The following CARMIL3 variants were observed in gnomAD, a reference collection of about 807,000 sequenced individuals.
The protein encoded by CARMIL3 is capping protein, Arp2/3 and myosin-I linker protein 3.
In CARMIL3, 88 loss-of-function variants were observed where a neutral mutation model predicts 180.8. That is an observed-to-expected ratio of 0.49 (90% confidence interval 0.41 to 0.58). CARMIL3 has a LOEUF of 0.58. CARMIL3 is among the 20% of genes least tolerant of loss of function. The pLI is 0.00. For synonymous variants in CARMIL3, 696 were observed against 714.5 expected (o/e 0.97, Z 0.41); for missense variants, 1,548 against 1,787.0 (o/e 0.87, Z 2.41).
Position 24,054,230 on chromosome 14 carries a change from C to CA in CARMIL3, c.187-11dup. On this transcript the variant is annotated splice_polypyrimidine_tract_variant and intron_variant, in intron 3 of 39. Transcript: ENST00000342740. This position sits in a 1 kb window ranked among gnomAD's most constrained non-coding sequence, Gnocchi z 5.1. ...GTCCTTACCAGGAGCTGAGCATCTCCATCCCTCCTAGGTGGAGAGCTCCTT... is the reference window on the plus strand; with the variant it reads ...GTCCTTACCAGGAGCTGAGCATCTCCAATCCCTCCTAGGTGGAGAGCTCCTT... 1 of 1,614,198 alleles carries CA rather than the reference C, an allele frequency of 6.2e-7. No homozygotes were observed. The highest frequency in any genetic ancestry group is 1.1e-5 in the South Asian group (1 of 91,090).
chr14:24,060,402 C>A, intron 24 of CARMIL3, 147 bp downstream of exon 24: 1 of 1,108,122 alleles, frequency 9.0e-7, no homozygotes, highest in Non-Finnish European at 1.3e-6. Flanking sequence ...AAAGAGAGGA[C>A]ATGCAGGATA....
rs1594551828 is a variant in CARMIL3, at chr14:24,061,776, C to A, written c.2480+104C>A. 2 of 1,236,834 alleles carry A rather than the reference C, an allele frequency of 1.6e-6. No individual in the cohort carries two copies. Among genetic ancestry groups the A allele is most frequent in the Non-Finnish European group, 2.3e-6 (2 of 888,858 alleles). The allele number at this position is 1,236,834 out of a possible 1,614,324, so 76.6% of individuals were successfully genotyped here. Reference sequence around the variant, plus strand: ...AGCAATGAATAATGAATGGCACAATCTCCATTACAAGGATCAATCTTTAAC... The same window carrying A: ...AGCAATGAATAATGAATGGCACAATATCCATTACAAGGATCAATCTTTAAC... On this transcript the variant is annotated intron_variant, in intron 27 of 39. Transcript: ENST00000342740. The surrounding 1 kb of genome is among the most constrained non-coding windows in gnomAD (Gnocchi z 4.1).
chr14:24,056,591 C>T (rs1220698205), intron 11 of CARMIL3, 31 bp from the exon 12 acceptor site: 1 of 1,609,592 alleles, frequency 6.2e-7, no homozygotes, highest in Non-Finnish European at 8.5e-7. Context: ...CCCTGCCCCT[C>T]ACTGGGCCCG....
rs745888151 is a variant in CARMIL3 at position 24,054,212 on chromosome 14, C to T, written c.187-30C>T. 30 of 1,614,076 alleles carry T rather than the reference C, an allele frequency of 1.9e-5. No individual in the cohort carries two copies. Among genetic ancestry groups the T allele is most frequent in the Non-Finnish European group, 2.5e-5 (29 of 1,179,924 alleles). ...CCAAGCCTGGCAACCCAGGTCCTTACCAGGAGCTGAGCATCTCCATCCCTC... is the reference window on the plus strand; with the variant it reads ...CCAAGCCTGGCAACCCAGGTCCTTATCAGGAGCTGAGCATCTCCATCCCTC... On this transcript the variant is annotated intron_variant, in intron 3 of 39. Coordinates refer to ENST00000342740, the MANE Select transcript of CARMIL3 (RefSeq NM_138360.4). The surrounding 1 kb of genome is among the most constrained non-coding windows in gnomAD (Gnocchi z 5.1).
chr14:24,066,728 C>A (rs2035790883), intron 36 of CARMIL3, 72 bp downstream of exon 36: 1 of 1,506,976 alleles, frequency 6.6e-7, no homozygotes, highest in South Asian at 1.2e-5. Context: ...AAGCCCATGG[C>A]CCCTGTGCTG....
chr14:24,063,956 T>A (rs2035758667), intron 31 of CARMIL3, among the ~76,000 whole-genome samples: 1 of 148,018 alleles, frequency 6.8e-6, no homozygotes, highest in Admixed American at 6.6e-5. Context: ...TAGCCGGGCG[T>A]GGTGGCGCCT....
In CARMIL3 at chr14:24,063,427, G is replaced by T; in HGVS notation, c.2873G>T (p.Trp958Leu). The T allele has an allele frequency of 6.2e-7, 1 of 1,613,936 alleles. No individual in the cohort carries two copies. The highest frequency in any genetic ancestry group is 8.5e-7 in the Non-Finnish European group (1 of 1,180,026). Residue 958 changes from tryptophan to leucine, a missense_variant, in exon 31 of 40, where the codon TGG becomes TTG. Transcript: ENST00000342740. ...GGSQPTASGSWEGLSELPTHG... is the reference protein window; with the variant it reads ...GGSQPTASGSLEGLSELPTHG... ...AGCCAGCCCACAGCTAGTGGCTCCT[G>T]GGAAGGTCTATCTGAGCTGCCCACT... is the stretch of plus-strand genomic sequence containing the variant.
intron 32 of CARMIL3, 112 bp from the exon 33 acceptor site, chr14:24,064,846 G>A: frequency 4.5e-6 from 5 of 1,104,600 alleles, no homozygotes; most frequent in East Asian, 2.5e-5. Context: ...GAACTAAGTG[G>A]AAAGGGCTGC....
At chr14:24,066,357 C>G in intron 34 of CARMIL3, 41 bp from the exon 35 acceptor site, 1 of 1,606,960 alleles carries the variant, frequency 6.2e-7, no homozygotes, top group Non-Finnish European at 8.5e-7. Context: ...AGTCCTGCCA[C>G]AGAGGAGACT....
At position 24,060,731 on chromosome 14, in the gene CARMIL3, TC is replaced by T; in HGVS notation, c.2166del (p.Asp724MetfsTer32). 2 of 1,613,924 alleles carry T rather than the reference TC, an allele frequency of 1.2e-6. No homozygotes were observed. The highest frequency in any genetic ancestry group is 1.7e-6 in the Non-Finnish European group (2 of 1,179,940). ...GAGCTACTCTACGCTCGGGACCTCA[TC>T]AAAGATGCCAAGAACTCCCGGGCGG... ...QDELLYARDL[I>X]KDAKNSRALF... On this transcript the variant is annotated frameshift_variant, in exon 25 of 40. Coordinates refer to ENST00000342740, the MANE Select transcript of CARMIL3 (RefSeq NM_138360.4). LOFTEE classifies it high-confidence loss of function.
intron 34 of CARMIL3, 45 bp from the exon 35 acceptor site, chr14:24,066,353 G>T (rs775170083): frequency 8.1e-6 from 13 of 1,603,384 alleles, no homozygotes; most frequent in Non-Finnish European, 1.1e-5. Flanking sequence ...CTGCAGTCCT[G>T]CCACAGAGGA....
At chr14:24,069,008 G>A in intron 38 of CARMIL3, 42 bp downstream of exon 38, 1 of 1,547,466 alleles carries the variant, frequency 6.5e-7, no homozygotes. Context: ...GGCACCTCTA[G>A]GACTTTGCTG....
rs144119176 is a variant in CARMIL3, at chr14:24,061,554, G to T, written c.2362G>T (p.Val788Leu). The T allele has an allele frequency of 1.9e-6, 3 of 1,614,100 alleles. No homozygotes were observed. The highest frequency in any genetic ancestry group is 2.5e-6 in the Non-Finnish European group (3 of 1,180,002). The change falls in exon 27 of 40, where the codon GTG becomes TTG. Residue 788 changes from valine to leucine, a missense_variant. Around this residue, in one of 4 missense-constraint regions of CARMIL3, gnomAD observed 297 missense variants for 415.9 expected, o/e 0.71. Transcript: ENST00000342740. This position sits in a 1 kb window ranked among gnomAD's most constrained non-coding sequence, Gnocchi z 4.1. ...TQELCPVAMR[V>L]AEGHNKMLSN... ...GGAGTTATGCCCTGTGGCCATGCGG[G>T]TGGCCGAGGGACACAACAAGATGCT...
intron 36 of CARMIL3, among the ~76,000 whole-genome samples, chr14:24,067,517 C>T (rs2035799201): frequency 6.6e-6 from 1 of 152,270 alleles, no homozygotes; most frequent in East Asian, 1.9e-4. Flanking sequence ...GCCACATGCT[C>T]CCCACTGTCC....
rs375652630 is a variant in CARMIL3, at chr14:24,066,473, AG to A, written c.3592+10del. ...CTCTTCAGACGACGCAGGTAAGAAC[AG>A]TCACATTCAAAGCCCTTTTGGACCC... On this transcript the variant is annotated intron_variant, in intron 35 of 39. Coordinates refer to ENST00000342740, the MANE Select transcript of CARMIL3 (RefSeq NM_138360.4). 5.8e-4 allele frequency: 942 copies of A among 1,614,152 alleles called. 7 individuals are homozygous for A. The African/African-American group carries it at 0.01, about 18-fold the overall frequency.
In CARMIL3 at chr14:24,063,360, A is replaced by G. The variant is rs374978444; in HGVS notation, c.2806A>G (p.Asn936Asp). 6 of 1,607,832 alleles carry G rather than the reference A, an allele frequency of 3.7e-6. No homozygotes were observed. In the Admixed American group the frequency reaches 6.7e-5, roughly 18 times the overall value. The change falls in exon 31 of 40, where the codon AAT becomes GAT. Residue 936 changes from asparagine (N) to aspartate (D), a missense_variant. By Grantham distance (23) the Asn-to-Asp change is conservative. Around this residue, in one of 4 missense-constraint regions of CARMIL3, gnomAD observed 668 missense variants for 687.8 expected, o/e 0.97. Coordinates refer to ENST00000342740, the MANE Select transcript of CARMIL3 (RefSeq NM_138360.4). ...TCAGGACATGGAAAGCCAACTGGGG[A>G]ATCTGGGGATCCCCCCTGGCTGGTT... The part of the protein sequence containing the change: ...SPQDMESQLG[N>D]LGIPPGWFSG...
chr14:24,060,161 A>C lies in CARMIL3; in HGVS notation c.1967A>C (p.Gln656Pro). 1 of 1,614,138 alleles carries C rather than the reference A, an allele frequency of 6.2e-7. No individual in the cohort carries two copies. ...CACCAACCCCATCATCTCCAGATCC[A>C]ATGGTGCTTAGTGAGGAACAACCAC... ...ERTEDVWQKIQWCLVRNNHSQ... is the reference protein window; with the variant it reads ...ERTEDVWQKIPWCLVRNNHSQ... The change falls in exon 24 of 40, where the codon CAA (glutamine) becomes CCA (proline). Residue 656 changes from glutamine to proline, a missense_variant. Physicochemically the swap from Gln to Pro is moderately conservative, Grantham distance 76. This residue lies in a region of CARMIL3 where 297 missense variants were observed against 415.9 expected (regional missense o/e 0.71). Coordinates refer to ENST00000342740, the MANE Select transcript of CARMIL3 (RefSeq NM_138360.4).
Position 24,058,145 on chromosome 14 carries a change from C to T in CARMIL3, c.1323-10C>T. On this transcript the variant is annotated splice_polypyrimidine_tract_variant and intron_variant, in intron 16 of 39. Transcript: ENST00000342740. This position sits in a 1 kb window ranked among gnomAD's most constrained non-coding sequence, Gnocchi z 6.4. Reference sequence around the variant, plus strand: ...AGGTAAAGGAGGGCCTGCTGACCTCCCTCCCACAGGGCGCTGCTTCAGGGC... The same window carrying T: ...AGGTAAAGGAGGGCCTGCTGACCTCTCTCCCACAGGGCGCTGCTTCAGGGC... The T allele has an allele frequency of 6.2e-7, 1 of 1,613,796 alleles. No homozygotes were observed. Among genetic ancestry groups the T allele is most frequent in the Non-Finnish European group, 8.5e-7 (1 of 1,179,990 alleles).
Position 24,058,605 on chromosome 14 carries a change from A to T in CARMIL3, c.1393-75A>T. On this transcript the variant is annotated intron_variant, in intron 17 of 39. Coordinates refer to ENST00000342740, the MANE Select transcript of CARMIL3 (RefSeq NM_138360.4). This position sits in a 1 kb window ranked among gnomAD's most constrained non-coding sequence, Gnocchi z 6.4. ...CATGACTTTGAGTTCTGGTGTGACT[A>T]CTATATCCTAAGCATTAAAGGTGCC... 1 of 1,178,386 alleles carries T rather than the reference A, an allele frequency of 8.5e-7. No homozygotes were observed. The highest frequency in any genetic ancestry group is 1.2e-6 in the Non-Finnish European group (1 of 808,928). 73.0% of individuals were successfully genotyped at this position (1,178,386 alleles called of 1,614,324 possible).
Sources: allele counts gnomAD v4.1 joint callset (sites outside exome capture counted in the v4.1 genomes callset), GRCh38; gene constraint gnomAD v4.1.1; regional missense constraint gnomAD v4.1.1; non-coding constraint Gnocchi (gnomAD v3.1); transcripts MANE v1.5; gene names NCBI Gene and HGNC (gene_info 2026-07-23, HGNC 2026-07-21).